MYBPC1: variants seen among roughly 807,000 people sequenced by gnomAD.
MYBPC1 encodes myosin-binding protein C, slow-type.
MYBPC1 carries 52 observed loss-of-function variants against 147.1 expected under a neutral mutation model. The ratio of observed to expected loss-of-function variants is 0.35; its 90% confidence interval spans 0.28 to 0.45. The LOEUF (loss-of-function observed/expected upper bound fraction) is 0.45, where lower values mean the gene tolerates loss of function less well. Among genes scored for constraint, MYBPC1 ranks in the 20% least tolerant of loss-of-function variants. The pLI is 1.00. For synonymous variants in MYBPC1, 477 were observed against 475.9 expected (o/e 1.00, Z -0.03); for missense variants, 1,228 against 1,440.3 (o/e 0.85, Z 2.39).
At chr12:101,670,793 CAG>C (rs1189451612) in intron 24 of MYBPC1, among the ~76,000 whole-genome samples, 1 of 152,140 alleles carries the variant, frequency 6.6e-6, no homozygotes, top group Non-Finnish European at 1.5e-5. Flanking sequence ...TTCAGGAAAA[CAG>C]TGTGTGCTTA....
At chr12:101,634,130 G>T (rs1890528916) in intron 8 of MYBPC1, among the ~76,000 whole-genome samples, 1 of 152,082 alleles carries the variant, frequency 6.6e-6, no homozygotes, top group South Asian at 2.1e-4. Flanking sequence ...GCGATCTCCT[G>T]ATCTCGTGAT....
chr12:101,638,214 C>T (rs1891371067), intron 10 of MYBPC1, among the ~76,000 whole-genome samples: 1 of 152,212 alleles, frequency 6.6e-6, no homozygotes, highest in Admixed American at 6.5e-5. Flanking sequence ...TGTATTCTCC[C>T]TGCAATCATT....
intron 3 of MYBPC1, among the ~76,000 whole-genome samples, chr12:101,624,709 T>TTTTTTTTTTTA (rs1481546829): frequency 8.2e-6 from 1 of 122,534 alleles, no homozygotes; most frequent in Non-Finnish European, 1.7e-5. Flanking sequence ...TTTTTTTTTT[T>TTTTTTTTTTTA]ACGGAGAGAG....
At position 101,649,358 on chromosome 12, in the gene MYBPC1, A is replaced by T; in HGVS notation, c.1295A>T (p.Lys432Met). 1 of 1,613,984 alleles carries T rather than the reference A, an allele frequency of 6.2e-7. No individual in the cohort carries two copies. The highest frequency in any genetic ancestry group is 8.5e-7 in the Non-Finnish European group (1 of 1,179,868). ...KHILIIEGATKADAAEYSVMT... is the reference protein window; with the variant it reads ...KHILIIEGATMADAAEYSVMT... ...ATCTTGATCATAGAGGGAGCAACAA[A>T]GGCTGATGCTGCAGAATATTCAGTA... Residue 432 changes from lysine (K) to methionine (M), a missense_variant, in exon 15 of 32, where the codon AAG (lysine) becomes ATG (methionine). Physicochemically the swap from Lys to Met is moderately conservative, Grantham distance 95. Around this residue, in one of 2 missense-constraint regions of MYBPC1, gnomAD observed 1,077 missense variants for 1,314.2 expected, o/e 0.82. Coordinates refer to ENST00000361466, the MANE Select transcript of MYBPC1 (RefSeq NM_002465.4).
intron 2 of MYBPC1, 59 bp from the exon 3 acceptor site, chr12:101,617,143 C>A: frequency 6.4e-7 from 1 of 1,553,668 alleles, no homozygotes; most frequent in South Asian, 1.1e-5. Context: ...CCCCGTTGCT[C>A]ATCACACAAT....
chr12:101,653,035 C>T, intron 17 of MYBPC1, 80 bp from the exon 18 acceptor site: 1 of 1,533,690 alleles, frequency 6.5e-7, no homozygotes. Context: ...TGGTTACTAC[C>T]ATCATACTAG....
At chr12:101,609,703 T>C (rs1883572433) in intron 1 of MYBPC1, among the ~76,000 whole-genome samples, 1 of 152,224 alleles carries the variant, frequency 6.6e-6, no homozygotes, top group African/African-American at 2.4e-5. Flanking sequence ...TTGAATGTTT[T>C]AAGAGTGCAG....
chr12:101,673,408 T>C lies in MYBPC1; in HGVS notation c.2614-19T>C, dbSNP rs774076378. The C allele has an allele frequency of 1.9e-6, 3 of 1,609,610 alleles. No homozygotes were observed. In the East Asian group the frequency reaches 6.7e-5, roughly 36 times the overall value. ...ACAATATGATTTACCCTCTCTACTT[T>C]TGCTGTCTTTCTTTTTAGGGAAAAC... On this transcript the variant is annotated intron_variant, in intron 24 of 31. Coordinates refer to ENST00000361466, the MANE Select transcript of MYBPC1 (RefSeq NM_002465.4).
chr12:101,659,289 C>T (rs1281864748), intron 18 of MYBPC1, among the ~76,000 whole-genome samples: 1 of 152,158 alleles, frequency 6.6e-6, no homozygotes, highest in African/African-American at 2.4e-5. Flanking sequence ...CACAGGGATT[C>T]CTCTCCTAGA....
chr12:101,690,647 C>T (rs1383648707), downstream of MYBPC1, among the ~76,000 whole-genome samples: 3 of 152,222 alleles, frequency 2.0e-5, no homozygotes, highest in South Asian at 2.1e-4. Flanking sequence ...TGCTAAGAAC[C>T]GTGTCTCTGA....
chr12:101,626,961 A>G (rs1340981116), intron 4 of MYBPC1, 51 bp downstream of exon 4: 1 of 1,536,164 alleles, frequency 6.5e-7, no homozygotes, highest in Non-Finnish European at 9.0e-7. Context: ...TTATTCATTG[A>G]CGGTAGAGGA....
At chr12:101,661,760 G>A (rs570729541) in intron 20 of MYBPC1, among the ~76,000 whole-genome samples, 11 of 151,686 alleles carry the variant, frequency 7.3e-5, no homozygotes, top group South Asian at 2.1e-4. Context: ...ATGGTGGTGC[G>A]CACCTGTGGT....
chr12:101,632,008 C>G lies in MYBPC1; in HGVS notation c.439-13C>G. On this transcript the variant is annotated splice_polypyrimidine_tract_variant and intron_variant, in intron 7 of 31. Transcript: ENST00000361466. ...AAACTGAAATGTGTGTGTCTGGATGCATTTCATTGCAGGTGTACACATTTG... is the reference window on the plus strand; with the variant it reads ...AAACTGAAATGTGTGTGTCTGGATGGATTTCATTGCAGGTGTACACATTTG... 1 of 1,567,346 alleles carries G rather than the reference C, an allele frequency of 6.4e-7. No individual in the cohort carries two copies. The highest frequency in any genetic ancestry group is 8.8e-7 in the Non-Finnish European group (1 of 1,137,312).
chr12:101,672,265 G>A (rs1168567026), intron 24 of MYBPC1, among the ~76,000 whole-genome samples: 2 of 152,166 alleles, frequency 1.3e-5, no homozygotes, highest in African/African-American at 4.8e-5. Flanking sequence ...TTGGTGTGTA[G>A]CTCTACATCT....
Position 101,644,612 on chromosome 12 carries a change from A to T in MYBPC1, c.833-52A>T, listed in dbSNP as rs1026845241. The T allele has an allele frequency of 2.7e-6, 4 of 1,508,722 alleles. No individual in the cohort carries two copies. The African/African-American group carries it at 5.5e-5, about 21-fold the overall frequency. The allele number at this position is 1,508,722 out of a possible 1,614,324, so 93.5% of individuals were successfully genotyped here. ...CTACATGTATTGACTATTTAAATTC[A>T]TAGCATATGTATACATATATTAACA... On this transcript the variant is annotated intron_variant, in intron 11 of 31. Coordinates refer to ENST00000361466, the MANE Select transcript of MYBPC1 (RefSeq NM_002465.4).
intron 25 of MYBPC1, among the ~76,000 whole-genome samples, chr12:101,674,553 C>T (rs1899451925): frequency 6.6e-6 from 1 of 152,052 alleles, no homozygotes; most frequent in Non-Finnish European, 1.5e-5. Flanking sequence ...TTAAATTATA[C>T]TGTAATTTTT....
chr12:101,647,894 G>GAACAAA (rs1408619383), intron 13 of MYBPC1, 151 bp from the exon 14 acceptor site: 1 of 639,600 alleles, frequency 1.6e-6, no homozygotes, highest in Non-Finnish European at 2.8e-6. Flanking sequence ...CTCAAAACAA[G>GAACAAA]AACAAAAACA....
intron 12 of MYBPC1, 125 bp from the exon 13 acceptor site, chr12:101,646,638 C>CAA (rs35547157): frequency 5.2e-5 from 57 of 1,102,782 alleles, no homozygotes; most frequent in African/African-American, 7.9e-5. Flanking sequence ...GACCCTGTCT[C>CAA]AAAAAAAAAC....
rs149834865 is a variant in MYBPC1, at chr12:101,657,033, A to G, written c.1768-2639A>G. ...GACAATGGAATTAAACTAAAAATAA[A>G]TAAATTACAGAAGTGAAACTAAAAA... On this transcript the variant is annotated intron_variant, in intron 18 of 31. Coordinates refer to ENST00000361466, the MANE Select transcript of MYBPC1 (RefSeq NM_002465.4). Among the ~76,000 whole-genome samples the G allele has an allele frequency of 1.2e-4, 19 of 152,312 alleles. No individual in the cohort carries two copies. The East Asian group carries it at 3.5e-3, about 28-fold the overall frequency.
Sources: gnomAD v4.1 joint callset for allele counts (sites outside exome capture counted in the v4.1 genomes callset) on GRCh38, gnomAD v4.1.1 for gene constraint, gnomAD v4.1.1 regional missense constraint, MANE v1.5 for transcripts, NCBI Gene and HGNC (gene_info 2026-07-23, HGNC 2026-07-21) for gene names.